Variants in NCAM2 observed in about 807,000 individuals in gnomAD.
The protein encoded by NCAM2 is neural cell adhesion molecule 2.
NCAM2 carries 30 observed loss-of-function variants against 98.1 expected under a neutral mutation model. That is an observed-to-expected ratio of 0.31 (90% CI 0.23 to 0.41). The LOEUF is 0.41. Ranked by LOEUF, NCAM2 falls within the 10% of genes least tolerant of loss-of-function variation. NCAM2 has a pLI of 1.00. For missense variants in NCAM2, 867 were observed against 1,005.8 expected, an observed-to-expected ratio of 0.86 and a Z score of 1.87; for synonymous variants, 368 against 342.4, an observed-to-expected ratio of 1.07 and a Z score of -0.83.
chr21:21,285,914 G>A (rs568373800), intron 3 of NCAM2, among the ~76,000 whole-genome samples: 8 of 152,000 alleles, frequency 5.3e-5, no homozygotes, highest in African/African-American at 1.7e-4. Flanking sequence ...TGAATTGAAG[G>A]CGGTGCAAAT....
chr21:21,267,299 C>T lies in NCAM2; in HGVS notation c.56-13279C>T, dbSNP rs2072320175. On this transcript the variant is annotated intron_variant, in intron 1 of 17. Transcript: ENST00000400546. ...TAAGCTTTGTTTAGTACACAATGTT[C>T]TTCAAATATTTACTAAGGCAATAGA... is the stretch of plus-strand genomic sequence containing the variant. 3.3e-5 allele frequency among the ~76,000 whole-genome samples: 5 copies of T among 152,098 alleles called. No homozygotes were observed. In the South Asian group the frequency reaches 1.0e-3, roughly 32 times the overall value.
chr21:21,282,964 T>C (rs548001267), intron 2 of NCAM2, among the ~76,000 whole-genome samples: 1 of 151,872 alleles, frequency 6.6e-6, no homozygotes, highest in Non-Finnish European at 1.5e-5. Flanking sequence ...TAACTTACTA[T>C]ATAAAATATT....
Position 21,479,583 on chromosome 21 carries a change from C to CAAA in NCAM2, c.2077+2135_2077+2137dup, listed in dbSNP as rs1156588500. Among the ~76,000 whole-genome samples, 226 of 30,858 alleles carry CAAA rather than the reference C, an allele frequency of 7.3e-3. 18 individuals are homozygous for CAAA. Among genetic ancestry groups the CAAA allele is most frequent in the Middle Eastern group, 0.029 (1 of 34 alleles). The allele number at this position is 30,858 out of a possible 152,430, so 20.2% of individuals were successfully genotyped here. ...TGGGAGACAGAGCGAGACTGCGTCT[C>CAAA]AAAAAAAAAAAAAAAAAAAAAAAAA... is the stretch of plus-strand genomic sequence containing the variant. On this transcript the variant is annotated intron_variant, in intron 15 of 17. Transcript: ENST00000400546.
At chr21:21,414,661 G>C (rs1479125509) in intron 10 of NCAM2, among the ~76,000 whole-genome samples, 1 of 151,680 alleles carries the variant, frequency 6.6e-6, no homozygotes, top group African/African-American at 2.4e-5. Flanking sequence ...AGTTGAGACG[G>C]AGTTTCACGG....
chr21:21,185,284 A>G (rs1323013939), intron 1 of NCAM2, among the ~76,000 whole-genome samples: 1 of 152,114 alleles, frequency 6.6e-6, no homozygotes, highest in Non-Finnish European at 1.5e-5. Context: ...TTTGTTCTAT[A>G]CTTCATTACT....
chr21:21,268,535 C>T (rs899969657), intron 1 of NCAM2, among the ~76,000 whole-genome samples: 17 of 152,162 alleles, frequency 1.1e-4, no homozygotes, highest in African/African-American at 3.9e-4. Flanking sequence ...CACACACACA[C>T]ATATAGCCCC....
chr21:21,231,999 G>A (rs936682014), intron 1 of NCAM2, among the ~76,000 whole-genome samples: 3 of 151,178 alleles, frequency 2.0e-5, no homozygotes, highest in African/African-American at 4.8e-5. Context: ...TTCCTCAGTC[G>A]TGTCAGTTTT....
chr21:21,485,690 T>C (rs1487986947), intron 15 of NCAM2, among the ~76,000 whole-genome samples: 1 of 152,208 alleles, frequency 6.6e-6, no homozygotes, highest in African/African-American at 2.4e-5. Context: ...ACTACTTATT[T>C]ATTTAGGACA....
At chr21:21,362,029 A>G (rs2075659775) in intron 8 of NCAM2, among the ~76,000 whole-genome samples, 2 of 152,146 alleles carry the variant, frequency 1.3e-5, no homozygotes, top group Admixed American at 6.6e-5. Context: ...CCTACTTTAA[A>G]TATATCCATA....
At chr21:21,143,626 CT>C (rs1186737312) in intron 1 of NCAM2, among the ~76,000 whole-genome samples, 1 of 152,064 alleles carries the variant, frequency 6.6e-6, no homozygotes, top group Non-Finnish European at 1.5e-5. Flanking sequence ...CCAATTTTAT[CT>C]TTTTAATATT....
intron 1 of NCAM2, among the ~76,000 whole-genome samples, chr21:21,062,690 A>G (rs571937227): frequency 1.1e-4 from 16 of 152,336 alleles, no homozygotes; most frequent in African/African-American, 3.6e-4. Context: ...CTAGTAGGTC[A>G]GTTTTTTTGA....
chr21:21,437,776 T>G (rs918863469), intron 12 of NCAM2, among the ~76,000 whole-genome samples: 2 of 152,118 alleles, frequency 1.3e-5, no homozygotes, highest in African/African-American at 4.8e-5. Context: ...TTTCCTTTTC[T>G]GTGAGATAAT....
intron 1 of NCAM2, among the ~76,000 whole-genome samples, chr21:21,045,902 G>T (rs529189569): frequency 6.6e-6 from 1 of 152,154 alleles, no homozygotes; most frequent in African/African-American, 2.4e-5. Context: ...TAAACCAGCT[G>T]TAGAGCAAAT....
At chr21:21,347,027 A>G (rs749181412) in intron 8 of NCAM2, among the ~76,000 whole-genome samples, 1 of 152,020 alleles carries the variant, frequency 6.6e-6, no homozygotes, top group African/African-American at 2.4e-5. Context: ...AATGGAGAAC[A>G]GAGCAGAAAT....
chr21:21,430,808 G>A (rs1008651960), intron 11 of NCAM2, among the ~76,000 whole-genome samples: 3 of 151,994 alleles, frequency 2.0e-5, no homozygotes, highest in African/African-American at 7.3e-5. Flanking sequence ...AGCACTTTGG[G>A]AGGCCAAGGT....
At chr21:21,532,415 A>C (rs113257551) in intron 16 of NCAM2, among the ~76,000 whole-genome samples, 5 of 152,276 alleles carry the variant, frequency 3.3e-5, no homozygotes, top group African/African-American at 7.2e-5. Context: ...AAAATTAAAA[A>C]GGTCACCAAA....
chr21:21,446,038 A>G (rs1042851872), intron 12 of NCAM2, among the ~76,000 whole-genome samples: 2 of 151,928 alleles, frequency 1.3e-5, no homozygotes, highest in African/African-American at 2.4e-5. Context: ...TGGTGACAAA[A>G]TCCCTCAACA....
rs138597484 is a variant in NCAM2 at position 21,161,584 on chromosome 21, TGA to T, written c.56-118974_56-118973del. On this transcript the variant is annotated intron_variant, in intron 1 of 17. Transcript: ENST00000400546. ...ATTTGTGTGTGTGTGTGTGTGTATG[TGA>T]GAGAGAGAGAGAGAGAGAGCAAGAT... is the stretch of plus-strand genomic sequence containing the variant. Among the ~76,000 whole-genome samples the T allele has an allele frequency of 3.0e-3, 439 of 144,856 alleles. 1 individual carries two copies. Among genetic ancestry groups the T allele is most frequent in the Admixed American group, 4.6e-3 (66 of 14,430 alleles).
chr21:21,292,019 A>G (rs2073315400), intron 4 of NCAM2, 85 bp from the exon 5 acceptor site: 2 of 1,284,330 alleles, frequency 1.6e-6, no homozygotes, highest in African/African-American at 1.5e-5. Flanking sequence ...AGACAGTGCC[A>G]TATTTTAACT....
Sources: allele counts gnomAD v4.1 joint callset (sites outside exome capture counted in the v4.1 genomes callset), GRCh38; gene constraint gnomAD v4.1.1; transcripts MANE v1.5; gene names NCBI Gene and HGNC (gene_info 2026-07-23, HGNC 2026-07-21).